The following BLVRB variants were observed in gnomAD, a reference collection of about 807,000 sequenced individuals.
The protein encoded by BLVRB is biliverdin reductase B, also known as flavin reductase (NADPH).
BLVRB carries 25 observed loss-of-function variants against 21.1 expected under a neutral mutation model. That is an observed-to-expected ratio of 1.19 (90% CI 0.86 to 1.66). The LOEUF is 1.66. BLVRB is among the 40% of genes most tolerant of loss of function. The probability of loss-of-function intolerance (pLI) is 0.00; values close to 1 mark genes in which losing one functional copy is unlikely to be tolerated. For missense variants in BLVRB, 274 were observed against 282.7 expected (o/e 0.97, Z 0.22); for synonymous variants, 128 against 122.2 (o/e 1.05, Z -0.31).
chr19:40,459,242 T>C (rs1436708893), intron 1 of BLVRB, among the ~76,000 whole-genome samples: 1 of 131,650 alleles, frequency 7.6e-6, no homozygotes, highest in African/African-American at 2.9e-5. Flanking sequence ...GGCAAAAGAA[T>C]CACTTGACCC....
chr19:40,458,232 A>T lies in BLVRB; in HGVS notation c.257T>A (p.Val86Glu). 1.2e-6 allele frequency: 2 copies of T among 1,610,824 alleles called. No homozygotes were observed. Among genetic ancestry groups the T allele is most frequent in the Non-Finnish European group, 1.7e-6 (2 of 1,178,620 alleles). Reference protein sequence around the residue: ...GTRNDLSPTTVMSEGARNIVA... With the variant: ...GTRNDLSPTTEMSEGARNIVA... ...AATGTTCCGGGCGCCCTCGGACATCACTGTCGTGGGACCTTAGAGGGGACA... is the reference window on the plus strand; with the variant it reads ...AATGTTCCGGGCGCCCTCGGACATCTCTGTCGTGGGACCTTAGAGGGGACA... The change falls in exon 3 of 5, where the codon GTG becomes GAG. Residue 86 changes from valine (V) to glutamate (E), a missense_variant. Transcript: ENST00000263368.
At chr19:40,458,881 A>G (rs2079774544) in intron 1 of BLVRB, among the ~76,000 whole-genome samples, 1 of 151,632 alleles carries the variant, frequency 6.6e-6, no homozygotes, top group African/African-American at 2.4e-5. Flanking sequence ...TTTGTAGAGA[A>G]GGGGTTTTGC....
At chr19:40,448,565 G>A (rs757281778) in intron 4 of BLVRB, among the ~76,000 whole-genome samples, 1 of 147,954 alleles carries the variant, frequency 6.8e-6, no homozygotes, top group Admixed American at 6.9e-5. Context: ...CACTCCAGCC[G>A]GGACGACAGA....
intron 4 of BLVRB, among the ~76,000 whole-genome samples, chr19:40,449,009 C>T (rs10418696): frequency 0.35 from 53,482 of 151,486 alleles, 10,233 homozygotes; most frequent in African/African-American, 0.5. Flanking sequence ...GCCCAGAAGG[C>T]GGAGGTTGCA....
intron 3 of BLVRB, among the ~76,000 whole-genome samples, chr19:40,454,577 G>C (rs540155557): frequency 2.0e-5 from 3 of 148,742 alleles, no homozygotes; most frequent in African/African-American, 7.5e-5. Flanking sequence ...AGGCAGTCTC[G>C]CTCTGTCACC....
At chr19:40,464,313 C>G (rs1447426502) in intron 1 of BLVRB, among the ~76,000 whole-genome samples, 1 of 152,022 alleles carries the variant, frequency 6.6e-6, no homozygotes, top group Non-Finnish European at 1.5e-5. Context: ...AGGCTAGTCT[C>G]AAACTCCTGG....
chr19:40,459,979 G>T (rs1317834123), intron 1 of BLVRB, among the ~76,000 whole-genome samples: 1 of 152,088 alleles, frequency 6.6e-6, no homozygotes, highest in East Asian at 1.9e-4. Context: ...GGGGACATGG[G>T]TTGCCTACAG....
At chr19:40,456,856 G>A (rs978593406) in intron 3 of BLVRB, among the ~76,000 whole-genome samples, 1 of 152,082 alleles carries the variant, frequency 6.6e-6, no homozygotes, top group African/African-American at 2.4e-5. Flanking sequence ...GTGGAGTGGC[G>A]GTTGCAGTGA....
chr19:40,457,944 CCTCT>C (rs1233355448), intron 3 of BLVRB: 1 of 559,588 alleles, frequency 1.8e-6, no homozygotes, highest in Non-Finnish European at 3.2e-6. Context: ...CTGTTTACCA[CCTCT>C]CTCTGTGAGC....
intron 3 of BLVRB, 167 bp downstream of exon 3, chr19:40,457,988 G>A (rs1226266223): frequency 1.6e-5 from 11 of 683,848 alleles, no homozygotes; most frequent in Non-Finnish European, 2.8e-5. Context: ...GGGCTGTACA[G>A]GTCACCACTG....
intron 3 of BLVRB, among the ~76,000 whole-genome samples, chr19:40,455,347 G>A (rs894474174): frequency 6.6e-6 from 1 of 152,250 alleles, no homozygotes; most frequent in Non-Finnish European, 1.5e-5. Context: ...GCACTGTGGT[G>A]CTGGAAGAGA....
rs867835861 is a variant in BLVRB at position 40,458,408 on chromosome 19, C to A, written c.217G>T (p.Val73Leu). 2.5e-6 allele frequency: 4 copies of A among 1,590,302 alleles called. No individual in the cohort carries two copies. The highest frequency in any genetic ancestry group is 3.4e-6 in the Non-Finnish European group (4 of 1,169,240). ...KTVAGQDAVIVLLGTRNDLSP... is the reference protein window; with the variant it reads ...KTVAGQDAVILLLGTRNDLSP... Reference sequence around the variant, plus strand: ...AGGTCATTGCGGGTGCCCAGCAGCACGATGACAGCGTCCTGCCCAGCCACG... The same window carrying A: ...AGGTCATTGCGGGTGCCCAGCAGCAAGATGACAGCGTCCTGCCCAGCCACG... The change falls in exon 2 of 5, where the codon GTG (valine) becomes TTG (leucine). Residue 73 changes from valine to leucine, a missense_variant. Transcript: ENST00000263368.
At position 40,464,661 on chromosome 19, in the gene BLVRB, C is replaced by T. The variant is rs574974790; in HGVS notation, c.79+949G>A. On this transcript the variant is annotated intron_variant, in intron 1 of 4. Transcript: ENST00000263368. ...CTGGTTTTTACTGAGAGGCCCACAG[C>T]TCCCCATTCTCCACAAGTCAAGATC... is the stretch of plus-strand genomic sequence containing the variant. 5.3e-5 allele frequency among the ~76,000 whole-genome samples: 8 copies of T among 152,328 alleles called. No individual in the cohort carries two copies. The South Asian group carries it at 1.2e-3, about 24-fold the overall frequency.
intron 3 of BLVRB, 70 bp downstream of exon 3, chr19:40,458,085 T>C: frequency 2.1e-6 from 3 of 1,459,218 alleles, no homozygotes; most frequent in Non-Finnish European, 2.9e-6. Flanking sequence ...AGCGTCACCT[T>C]TCAGAGGCCC....
rs911364923 is a variant in BLVRB, at chr19:40,464,005, G to A, written c.79+1605C>T. 4.6e-5 allele frequency among the ~76,000 whole-genome samples: 7 copies of A among 152,170 alleles called. No homozygotes were observed. In the South Asian group the frequency reaches 1.5e-3, roughly 32 times the overall value. On this transcript the variant is annotated intron_variant, in intron 1 of 4. Transcript: ENST00000263368. ...GCTGGTCTCGAACTCCTGACCTCGT[G>A]ATCCACCTGCCTCAGCCTCCCAAAG...
intron 1 of BLVRB, among the ~76,000 whole-genome samples, chr19:40,462,513 T>C (rs1260875766): frequency 2.0e-5 from 3 of 150,310 alleles, no homozygotes; most frequent in African/African-American, 4.9e-5. Flanking sequence ...CTCCTGACCT[T>C]GTGATCCGCC....
At position 40,459,212 on chromosome 19, in the gene BLVRB, C is replaced by T. The variant is rs189534079; in HGVS notation, c.80-667G>A. Among the ~76,000 whole-genome samples, 238 of 149,790 alleles carry T rather than the reference C, an allele frequency of 1.6e-3. 2 individuals carry two copies. Among genetic ancestry groups the T allele is most frequent in the African/African-American group, 4.8e-3 (195 of 40,880 alleles). On this transcript the variant is annotated intron_variant, in intron 1 of 4. Transcript: ENST00000263368. ...GGCATGGTGGCACATACCTGTAATC[C>T]CAAGTACTTGGGAAGCTGAGGCAAA...
chr19:40,451,724 G>C (rs925395352), intron 3 of BLVRB, among the ~76,000 whole-genome samples: 1 of 152,058 alleles, frequency 6.6e-6, no homozygotes, highest in Non-Finnish European at 1.5e-5. Context: ...GTACAGACAG[G>C]GTTTTGCCAT....
intron 4 of BLVRB, among the ~76,000 whole-genome samples, chr19:40,451,112 T>C (rs1361428717): frequency 6.6e-6 from 1 of 152,164 alleles, no homozygotes; most frequent in Non-Finnish European, 1.5e-5. Context: ...TGACCAGACC[T>C]GAAGCTGCCT....
Sources: gnomAD v4.1 joint callset for allele counts (sites outside exome capture counted in the v4.1 genomes callset) on GRCh38, gnomAD v4.1.1 for gene constraint, MANE v1.5 for transcripts, NCBI Gene and HGNC (gene_info 2026-07-23, HGNC 2026-07-21) for gene names.